Variants in FRMD4B observed in about 807,000 individuals in gnomAD.
FRMD4B encodes FERM domain containing 4B.
Under a neutral mutation model 141.5 loss-of-function variants are expected in FRMD4B, and 74 were observed. That is an observed-to-expected ratio of 0.52 (90% CI 0.43 to 0.63). The LOEUF is 0.63. FRMD4B is among the 30% of genes least tolerant of loss of function. The pLI, the probability that FRMD4B is intolerant of heterozygous loss-of-function variation, is 0.00. For synonymous variants in FRMD4B, 506 were observed against 467.9 expected (o/e 1.08, Z -1.05); for missense variants, 1,366 against 1,253.4 (o/e 1.09, Z -1.36).
intron 11 of FRMD4B, among the ~76,000 whole-genome samples, chr3:69,208,536 C>T (rs72932116): frequency 0.012 from 1,902 of 152,182 alleles, 40 homozygotes; most frequent in East Asian, 0.075. Flanking sequence ...TCCTTCCCAT[C>T]GGCATACCCT....
At chr3:69,271,016 C>T (rs940054070) in intron 5 of FRMD4B, among the ~76,000 whole-genome samples, 12 of 152,232 alleles carry the variant, frequency 7.9e-5, no homozygotes, top group African/African-American at 1.7e-4. Flanking sequence ...GACCATCTGC[C>T]TCCTCCACTT....
intron 2 of FRMD4B, among the ~76,000 whole-genome samples, chr3:69,413,713 C>G (rs1704800166): frequency 6.6e-6 from 1 of 152,090 alleles, no homozygotes; most frequent in Non-Finnish European, 1.5e-5. Context: ...TCATTAATCT[C>G]AAGGGAATGT....
At chr3:69,468,192 T>C (rs982335666) in intron 1 of FRMD4B, among the ~76,000 whole-genome samples, 1 of 151,240 alleles carries the variant, frequency 6.6e-6, no homozygotes, top group Non-Finnish European at 1.5e-5. Flanking sequence ...ATTTCAGATA[T>C]ATGCAAAAGC....
At chr3:69,261,829 T>C (rs6549192) in intron 5 of FRMD4B, among the ~76,000 whole-genome samples, 31,360 of 151,996 alleles carry the variant, frequency 0.21, 3,493 homozygotes, top group Non-Finnish European at 0.25. Flanking sequence ...TGTGCCACCA[T>C]GCCTGGCTAA....
At chr3:69,206,094 G>C (rs2093021965) in intron 11 of FRMD4B, among the ~76,000 whole-genome samples, 1 of 152,070 alleles carries the variant, frequency 6.6e-6, no homozygotes, top group African/African-American at 2.4e-5. Context: ...GCTCACTCCT[G>C]TAATTCCAGT....
In FRMD4B at chr3:69,287,815, C is replaced by T. The variant is rs1438071827; in HGVS notation, c.438G>A (p.Ser146=). The T allele has an allele frequency of 7.6e-6, 12 of 1,581,952 alleles. No individual in the cohort carries two copies. Among genetic ancestry groups the T allele is most frequent in the Non-Finnish European group, 1.0e-5 (12 of 1,155,312 alleles). The change falls in exon 5 of 23, where the codon TCG becomes TCA. Residue 146 remains serine (S), a synonymous_variant. Transcript: ENST00000398540. ...CCACGGTGGTTTTATCCTTTAAAAACGATATGCTCTCAATGTAAAACCTGA... is the reference window on the plus strand; with the variant it reads ...CCACGGTGGTTTTATCCTTTAAAAATGATATGCTCTCAATGTAAAACCTGA... ...FAVRFYIESI[S]FLKDKTTVEL...
chr3:69,452,671 G>A (rs1001014613), intron 1 of FRMD4B, among the ~76,000 whole-genome samples: 7 of 152,190 alleles, frequency 4.6e-5, no homozygotes, highest in Admixed American at 1.3e-4. Context: ...CTAGACATTA[G>A]TCTTGTCTTA....
At chr3:69,337,462 T>C (rs1702595135) in intron 1 of FRMD4B, among the ~76,000 whole-genome samples, 2 of 152,214 alleles carry the variant, frequency 1.3e-5, no homozygotes, top group African/African-American at 2.4e-5. Context: ...AAATGGGGTC[T>C]AATTAAACTA....
At chr3:69,468,103 T>C (rs1361147961) in intron 1 of FRMD4B, among the ~76,000 whole-genome samples, 1 of 152,242 alleles carries the variant, frequency 6.6e-6, no homozygotes, top group East Asian at 1.9e-4. Context: ...ACAGATCAAA[T>C]TTTTCCTGCT....
At chr3:69,468,206 G>GA (rs1294144801) in intron 1 of FRMD4B, among the ~76,000 whole-genome samples, 1 of 141,160 alleles carries the variant, frequency 7.1e-6, no homozygotes, top group Non-Finnish European at 1.5e-5. Flanking sequence ...CAAAAGCAGA[G>GA]AAAAAAAGTA....
intron 5 of FRMD4B, among the ~76,000 whole-genome samples, chr3:69,255,960 T>C (rs1447300435): frequency 6.6e-6 from 1 of 152,054 alleles, no homozygotes; most frequent in East Asian, 1.9e-4. Flanking sequence ...AGCAGGGTGC[T>C]CTGGCTTGCA....
upstream of FRMD4B, among the ~76,000 whole-genome samples, chr3:69,386,539 C>G (rs968687886): frequency 2.0e-5 from 3 of 151,876 alleles, no homozygotes; most frequent in Admixed American, 6.6e-5. Context: ...GATAAAACAC[C>G]TCTGGGCAGC....
intron 7 of FRMD4B, among the ~76,000 whole-genome samples, chr3:69,241,535 C>T (rs1194256327): frequency 1.3e-5 from 2 of 152,168 alleles, no homozygotes; most frequent in East Asian, 3.8e-4. Flanking sequence ...TCATTTCTGT[C>T]AAGTAAGCCT....
At chr3:69,517,637 A>G (rs1290189949) in intron 1 of FRMD4B, among the ~76,000 whole-genome samples, 2 of 152,122 alleles carry the variant, frequency 1.3e-5, no homozygotes, top group Admixed American at 6.6e-5. Context: ...CCCTCCAGGG[A>G]CATGCTGTGA....
chr3:69,208,598 G>A (rs1048707389), intron 11 of FRMD4B, among the ~76,000 whole-genome samples: 5 of 151,980 alleles, frequency 3.3e-5, no homozygotes, highest in Non-Finnish European at 5.9e-5. Flanking sequence ...TCTGCCCTTC[G>A]GGTCTCAGGT....
chr3:69,246,063 C>T (rs910963694), intron 7 of FRMD4B, among the ~76,000 whole-genome samples: 1 of 152,194 alleles, frequency 6.6e-6, no homozygotes, highest in African/African-American at 2.4e-5. Context: ...TCTCGAATTC[C>T]CGACCTCAGG....
chr3:69,248,189 A>C (rs2093437244), intron 7 of FRMD4B, among the ~76,000 whole-genome samples: 1 of 152,022 alleles, frequency 6.6e-6, no homozygotes, highest in Admixed American at 6.6e-5. Context: ...ATTAAAAACA[A>C]CTGGTGTTTG....
At chr3:69,384,851 TATA>T (rs913855487) in intron 1 of FRMD4B, among the ~76,000 whole-genome samples, 1 of 152,024 alleles carries the variant, frequency 6.6e-6, no homozygotes, top group Non-Finnish European at 1.5e-5. Flanking sequence ...TGAGACACAA[TATA>T]ATAAGACATA....
At chr3:69,425,509 T>C (rs1228233976) in intron 2 of FRMD4B, among the ~76,000 whole-genome samples, 2 of 152,226 alleles carry the variant, frequency 1.3e-5, no homozygotes, top group African/African-American at 4.8e-5. Context: ...TGGACCCTGC[T>C]GGCCAGCCTC....
Sources: gnomAD v4.1 joint callset for allele counts (sites outside exome capture counted in the v4.1 genomes callset) on GRCh38, gnomAD v4.1.1 for gene constraint, MANE v1.5 for transcripts, NCBI Gene and HGNC (gene_info 2026-07-23, HGNC 2026-07-21) for gene names.